Variants in SRRM3 observed in about 807,000 individuals in gnomAD.
The protein encoded by SRRM3 is serine/arginine repetitive matrix protein 3.
A neutral mutation model predicts 66.2 loss-of-function variants in SRRM3; 27 were observed. The observed-to-expected ratio is 0.41, with a 90% confidence interval of 0.30 to 0.56. SRRM3 has a LOEUF of 0.56. Among genes scored for constraint, SRRM3 ranks in the 20% least tolerant of loss-of-function variants. The probability of loss-of-function intolerance (pLI) is 0.32; values close to 1 mark genes in which losing one functional copy is unlikely to be tolerated. For synonymous variants in SRRM3, 391 were observed against 414.9 expected, an observed-to-expected ratio of 0.94 and a Z score of 0.70; for missense variants, 918 against 991.9, an observed-to-expected ratio of 0.93 and a Z score of 1.00.
At chr7:76,216,670 C>T (rs1252417078) in intron 1 of SRRM3, among the ~76,000 whole-genome samples, 1 of 152,198 alleles carries the variant, frequency 6.6e-6, no homozygotes, top group Admixed American at 6.6e-5. Flanking sequence ...AGGGGAATTG[C>T]TTTCTGGGGA....
At chr7:76,282,566 GCCCCGCCCCAGGGAACCCT>G in intron 12 of SRRM3, 63 bp from the exon 13 acceptor site, 1 of 338,700 alleles carries the variant, frequency 3.0e-6, no homozygotes, top group Admixed American at 7.9e-5. Flanking sequence ...TCCGCCCTAA[GCCCCGCCCCAGGGAACCCT>G]CCCCGCCCCC....
In SRRM3 at chr7:76,266,762, T is replaced by C. The variant is rs924648085; in HGVS notation, c.831-496T>C. Among the ~76,000 whole-genome samples, 8 of 148,514 alleles carry C rather than the reference T, an allele frequency of 5.4e-5. No individual in the cohort carries two copies. The East Asian group carries it at 1.6e-3, about 29-fold the overall frequency. ...ATCTTGGCTCACTACAACCTCCGCC[T>C]CCGGGATTCAAGCAATTCTCCAGCC... On this transcript the variant is annotated intron_variant, in intron 10 of 14. Coordinates refer to ENST00000611745, the MANE Select transcript of SRRM3 (RefSeq NM_001110199.3).
chr7:76,258,390 G>A (rs564571496), intron 3 of SRRM3, among the ~76,000 whole-genome samples: 20 of 152,304 alleles, frequency 1.3e-4, no homozygotes, highest in African/African-American at 3.8e-4. Flanking sequence ...CGGGGAGGGC[G>A]GAGATAGGCC....
At chr7:76,243,269 C>G (rs1287173346) in intron 2 of SRRM3, among the ~76,000 whole-genome samples, 1 of 152,142 alleles carries the variant, frequency 6.6e-6, no homozygotes, top group South Asian at 2.1e-4. Flanking sequence ...GACTGTTGGG[C>G]TCCTCTGTCT....
intron 1 of SRRM3, among the ~76,000 whole-genome samples, chr7:76,228,853 G>A (rs974784275): frequency 6.6e-6 from 1 of 151,380 alleles, no homozygotes; most frequent in Non-Finnish European, 1.5e-5. Flanking sequence ...CCATACTTGG[G>A]CTATATCAGG....
chr7:76,255,427 G>A (rs1801690671), intron 3 of SRRM3, among the ~76,000 whole-genome samples: 1 of 151,872 alleles, frequency 6.6e-6, no homozygotes, highest in African/African-American at 2.4e-5. Context: ...GGGATTATAG[G>A]CATGAGCCAC....
intron 1 of SRRM3, among the ~76,000 whole-genome samples, chr7:76,208,218 A>G (rs1554601339): frequency 1.3e-5 from 2 of 152,182 alleles, no homozygotes; most frequent in African/African-American, 4.8e-5. Context: ...ACAAGACCCC[A>G]GAAGAAAGCA....
chr7:76,283,177 CG>C, intron 14 of SRRM3, 76 bp downstream of exon 14: 1 of 1,300,372 alleles, frequency 7.7e-7, no homozygotes, highest in Non-Finnish European at 9.8e-7. Context: ...GACCTCGGCC[CG>C]GGGACCTTCT....
At chr7:76,255,743 C>T (rs980847702) in intron 3 of SRRM3, among the ~76,000 whole-genome samples, 1 of 152,214 alleles carries the variant, frequency 6.6e-6, no homozygotes, top group Admixed American at 6.5e-5. Flanking sequence ...CCATCACACC[C>T]GGCCTGGTTA....
chr7:76,204,489 C>T (rs1800246868), intron 1 of SRRM3, among the ~76,000 whole-genome samples: 1 of 152,174 alleles, frequency 6.6e-6, no homozygotes, highest in Non-Finnish European at 1.5e-5. Flanking sequence ...CCCAAAGTCA[C>T]AGAGCAAGGT....
intron 3 of SRRM3, among the ~76,000 whole-genome samples, chr7:76,249,400 A>T (rs1430802643): frequency 6.7e-6 from 1 of 150,082 alleles, no homozygotes; most frequent in Non-Finnish European, 1.5e-5. Flanking sequence ...AAAAGGGTGT[A>T]TGGCTTTGCT....
intron 3 of SRRM3, among the ~76,000 whole-genome samples, chr7:76,255,140 CTTTCTTTCTTT>C (rs1414054753): frequency 8.2e-5 from 8 of 97,148 alleles, no homozygotes; most frequent in African/African-American, 3.0e-4. Flanking sequence ...TTCTTTCTTT[CTTTCTTTCTTT>C]TTTTTTTTTT....
rs782393656 is a variant in SRRM3, at chr7:76,248,274, G to A, written c.320G>A (p.Arg107Gln). Reference protein sequence around the residue: ...EKEGVLTREDRPGGHIVAETP... With the variant: ...EKEGVLTREDQPGGHIVAETP... ...GAGGGAGTGCTCACCAGGGAGGACC[G>A]GCCTGGGGGCCACATGTGAGTGCTT... The change falls in exon 3 of 15, where the codon CGG becomes CAG. Residue 107 changes from arginine to glutamine, a missense_variant. Physicochemically the swap from Arg to Gln is conservative, Grantham distance 43 (BLOSUM62 1). Coordinates refer to ENST00000611745, the MANE Select transcript of SRRM3 (RefSeq NM_001110199.3). 19 of 1,613,070 alleles carry A rather than the reference G, an allele frequency of 1.2e-5. No individual in the cohort carries two copies. Among genetic ancestry groups the A allele is most frequent in the South Asian group, 2.2e-5 (2 of 90,970 alleles).
rs1583947651 is a variant in SRRM3 at position 76,282,935 on chromosome 7, C to T, written c.1596-29C>T. ...GCGGGGTGGAGCGGCCGGGCCGCGT[C>T]GCTCACTTACCTCGCGCCGGCCCCG... On this transcript the variant is annotated intron_variant, in intron 13 of 14. Coordinates refer to ENST00000611745, the MANE Select transcript of SRRM3 (RefSeq NM_001110199.3). 3.0e-6 allele frequency: 4 copies of T among 1,314,848 alleles called. No homozygotes were observed. In the East Asian group the frequency reaches 9.4e-5, roughly 31 times the overall value. 81.4% of individuals were successfully genotyped at this position (1,314,848 alleles called of 1,614,324 possible).
chr7:76,219,850 C>T (rs1172779541), intron 1 of SRRM3, among the ~76,000 whole-genome samples: 1 of 151,948 alleles, frequency 6.6e-6, no homozygotes, highest in Non-Finnish European at 1.5e-5. Flanking sequence ...GTGGAGGTTG[C>T]AGTGAGCCGA....
chr7:76,221,935 C>G (rs981827797), intron 1 of SRRM3, among the ~76,000 whole-genome samples: 6 of 152,204 alleles, frequency 3.9e-5, no homozygotes, highest in Non-Finnish European at 7.3e-5. Context: ...CACGTTATTC[C>G]TTTACTCCTT....
chr7:76,283,478 C>A, intron 14 of SRRM3: 1 of 451,910 alleles, frequency 2.2e-6, no homozygotes, highest in Non-Finnish European at 4.3e-6. Context: ...GCCCTCCCTG[C>A]ATCCGTCTCC....
At position 76,205,113 on chromosome 7, in the gene SRRM3, A is replaced by G. The variant is rs138243138; in HGVS notation, c.-40+3046A>G. ...GGAACTGAGAAGGAAATTCACCTCC[A>G]TTTCTTGCAGTCCCTCCCATTCAGC... On this transcript the variant is annotated intron_variant, in intron 1 of 14. Coordinates refer to ENST00000611745, the MANE Select transcript of SRRM3 (RefSeq NM_001110199.3). 2.8e-3 allele frequency among the ~76,000 whole-genome samples: 424 copies of G among 151,406 alleles called. 5 individuals carry two copies. Among genetic ancestry groups the G allele is most frequent in the African/African-American group, 9.9e-3 (409 of 41,208 alleles).
At chr7:76,210,433 C>T (rs1210680541) in intron 1 of SRRM3, among the ~76,000 whole-genome samples, 1 of 152,218 alleles carries the variant, frequency 6.6e-6, no homozygotes, top group Non-Finnish European at 1.5e-5. Context: ...ATGCTGTCTT[C>T]TTCTCTCTCC....
Sources: allele counts gnomAD v4.1 joint callset (sites outside exome capture counted in the v4.1 genomes callset), GRCh38; gene constraint gnomAD v4.1.1; transcripts MANE v1.5; gene names NCBI Gene and HGNC (gene_info 2026-07-23, HGNC 2026-07-21).